ZBTB20: variants seen among roughly 807,000 people sequenced by gnomAD.
The protein encoded by ZBTB20 is zinc finger and BTB domain-containing protein 20.
In ZBTB20, 9 loss-of-function variants were observed where a neutral mutation model predicts 56.9. The observed-to-expected ratio is 0.16, with a 90% CI of 0.10 to 0.28. The LOEUF (loss-of-function observed/expected upper bound fraction) is 0.28, where lower values mean the gene tolerates loss of function less well. ZBTB20 is among the 10% of genes least tolerant of loss of function. ZBTB20 has a pLI of 1.00. For missense variants in ZBTB20, 655 were observed against 1,003.0 expected (o/e 0.65, Z 4.69); for synonymous variants, 417 against 420.7 (o/e 0.99, Z 0.11).
intron 2 of ZBTB20, among the ~76,000 whole-genome samples, chr3:115,062,736 A>G (rs988990248): frequency 3.9e-5 from 6 of 152,166 alleles, no homozygotes; most frequent in African/African-American, 1.4e-4. Context: ...TAACCTCCAT[A>G]TTTTTGTAAA....
intron 6 of ZBTB20, among the ~76,000 whole-genome samples, chr3:114,536,523 T>C (rs1483024792): frequency 6.6e-6 from 1 of 152,160 alleles, no homozygotes; most frequent in East Asian, 1.9e-4. Flanking sequence ...TCCATGCTCA[T>C]GGATAGGAAG....
chr3:114,557,017 G>A (rs889565806), intron 6 of ZBTB20, among the ~76,000 whole-genome samples: 8 of 152,000 alleles, frequency 5.3e-5, no homozygotes, highest in African/African-American at 1.9e-4. Context: ...TTTGAGCTGA[G>A]AGGTATTATG....
intron 4 of ZBTB20, among the ~76,000 whole-genome samples, chr3:114,864,369 C>G (rs2107506068): frequency 6.6e-6 from 1 of 152,092 alleles, no homozygotes. Context: ...TACCTCTTAT[C>G]ATTTCTTATT....
At chr3:115,036,964 AGC>A (rs1159711188) in intron 2 of ZBTB20, among the ~76,000 whole-genome samples, 1 of 152,184 alleles carries the variant, frequency 6.6e-6, no homozygotes, top group Non-Finnish European at 1.5e-5. Flanking sequence ...TCACAGAGGA[AGC>A]TTACAATGAA....
intron 2 of ZBTB20, among the ~76,000 whole-genome samples, chr3:115,061,534 T>G (rs949511699): frequency 6.6e-6 from 1 of 152,214 alleles, no homozygotes; most frequent in Non-Finnish European, 1.5e-5. Flanking sequence ...TTGAAGATTA[T>G]TCTTCTTGGA....
At chr3:114,769,581 ATATATATATATATAT>A (rs1560228648) in intron 5 of ZBTB20, among the ~76,000 whole-genome samples, 4 of 77,356 alleles carry the variant, frequency 5.2e-5, no homozygotes, top group African/African-American at 7.0e-5. Context: ...ATATATATAT[ATATATATATATATAT>A]AATGGAATAC....
chr3:114,770,403 T>C (rs1327877539), intron 5 of ZBTB20, among the ~76,000 whole-genome samples: 5 of 149,810 alleles, frequency 3.3e-5, no homozygotes, highest in African/African-American at 1.2e-4. Context: ...GAGCTGAGAT[T>C]ATGCCATTGC....
At chr3:114,717,414 A>C (rs147812573) in intron 5 of ZBTB20, among the ~76,000 whole-genome samples, 12 of 152,196 alleles carry the variant, frequency 7.9e-5, no homozygotes, top group African/African-American at 2.9e-4. Flanking sequence ...GTAGACCAAG[A>C]TCTGTTGAAT....
chr3:114,406,376 A>T (rs189301939), intron 7 of ZBTB20, among the ~76,000 whole-genome samples: 1 of 152,290 alleles, frequency 6.6e-6, no homozygotes, highest in Admixed American at 6.5e-5. Flanking sequence ...GAAGACATGA[A>T]ACATCAATAC....
intron 6 of ZBTB20, among the ~76,000 whole-genome samples, chr3:114,634,155 T>TC (rs2059127188): frequency 2.0e-5 from 3 of 152,150 alleles, no homozygotes; most frequent in Admixed American, 6.5e-5. Context: ...TTGCAGATGA[T>TC]ACAACTGAGG....
At chr3:114,732,798 C>T (rs549014910) in intron 5 of ZBTB20, among the ~76,000 whole-genome samples, 20 of 152,236 alleles carry the variant, frequency 1.3e-4, no homozygotes, top group Middle Eastern at 3.4e-3. Flanking sequence ...ATGCACAAAT[C>T]AGTTCTAATA....
intron 6 of ZBTB20, among the ~76,000 whole-genome samples, chr3:114,557,503 T>C (rs2684295): frequency 0.38 from 57,310 of 151,764 alleles, 11,452 homozygotes; most frequent in African/African-American, 0.49. Context: ...AAGGCTATTC[T>C]ATGATACTAT....
At chr3:114,579,512 T>G (rs1559988029) in intron 6 of ZBTB20, among the ~76,000 whole-genome samples, 2 of 148,832 alleles carry the variant, frequency 1.3e-5, no homozygotes, top group African/African-American at 4.9e-5. Flanking sequence ...AATTCAAGAA[T>G]CTAGAAAAAG....
chr3:114,330,452 T>C lies in ZBTB20; in HGVS notation c.*8553A>G, dbSNP rs1315009132. 1.3e-5 allele frequency: 2 copies of C among 152,192 alleles called. No individual in the cohort carries two copies. Among genetic ancestry groups the C allele is most frequent in the African/African-American group, 4.8e-5 (2 of 41,450 alleles). The allele number at this position is 152,192 out of a possible 1,614,324, so 9.4% of individuals were successfully genotyped here. A position where few individuals can be genotyped will look rare whatever the true frequency, so the allele number is the denominator to read the frequency against. ...AGGTTTCAGAAATACTGCAATGTAG[T>C]GTATTGTAGTTAAGTAAGCATACCT... is the stretch of plus-strand genomic sequence containing the variant. On this transcript the variant is annotated 3_prime_UTR_variant, in exon 12 of 12. Coordinates refer to ENST00000675478, the MANE Select transcript of ZBTB20 (RefSeq NM_001348800.3).
At chr3:115,098,393 CA>C (rs1179323387) in intron 1 of ZBTB20, among the ~76,000 whole-genome samples, 1 of 152,042 alleles carries the variant, frequency 6.6e-6, no homozygotes, top group Non-Finnish European at 1.5e-5. Flanking sequence ...AGTTTTGAAA[CA>C]AATTTTTGGG....
intron 7 of ZBTB20, among the ~76,000 whole-genome samples, chr3:114,482,550 A>C (rs2041674265): frequency 6.6e-6 from 1 of 152,206 alleles, no homozygotes; most frequent in Non-Finnish European, 1.5e-5. Context: ...CTTAATCTAC[A>C]CAAATTTTTT....
At chr3:114,915,067 G>C (rs1374433818) in intron 3 of ZBTB20, among the ~76,000 whole-genome samples, 2 of 151,130 alleles carry the variant, frequency 1.3e-5, no homozygotes, top group Non-Finnish European at 3.0e-5. Flanking sequence ...CTTTGGTTTT[G>C]GTATTAGGAT....
At chr3:114,543,267 TG>T (rs202189435) in intron 6 of ZBTB20, among the ~76,000 whole-genome samples, 4,258 of 152,114 alleles carry the variant, frequency 0.028, 156 homozygotes, top group African/African-American at 0.08. Context: ...TATTTTTTAT[TG>T]TTTTTTTTCC....
intron 1 of ZBTB20, among the ~76,000 whole-genome samples, chr3:115,077,295 A>G (rs187853912): frequency 9.1e-4 from 139 of 152,316 alleles, no homozygotes; most frequent in Middle Eastern, 3.4e-3. Flanking sequence ...CTTAATTGCA[A>G]TGTGATAGTA....
Sources: gnomAD v4.1 joint callset for allele counts (sites outside exome capture counted in the v4.1 genomes callset) on GRCh38, gnomAD v4.1.1 for gene constraint, MANE v1.5 for transcripts, NCBI Gene and HGNC (gene_info 2026-07-23, HGNC 2026-07-21) for gene names.